The following CALN1 variants were observed in gnomAD, a reference collection of about 807,000 sequenced individuals.
CALN1 encodes the protein calcium-binding protein 8.
A neutral mutation model predicts 30.6 loss-of-function variants in CALN1; 17 were observed. The observed-to-expected ratio is 0.56, with a 90% confidence interval of 0.38 to 0.83. The LOEUF is 0.83. CALN1 is among the 40% of genes least tolerant of loss of function. The pLI is 0.00. For synonymous variants in CALN1, 156 were observed against 131.4 expected (o/e 1.19, Z -1.28); for missense variants, 291 against 354.9 (o/e 0.82, Z 1.45).
In CALN1 at chr7:72,334,880, C is replaced by T. The variant is rs1039281799; in HGVS notation, c.120-56070G>A. ...CAGCTATTGCCATGAAAAACCCACA[C>T]GTCTGCAGTGAACTCAACAAACAGA... On this transcript the variant is annotated intron_variant, in intron 2 of 6. Transcript: ENST00000395275. 2.6e-5 allele frequency among the ~76,000 whole-genome samples: 4 copies of T among 152,318 alleles called. 1 individual carries two copies. Among genetic ancestry groups the T allele is most frequent in the Non-Finnish European group, 1.5e-5 (1 of 68,036 alleles).
intron 2 of CALN1, among the ~76,000 whole-genome samples, chr7:72,316,512 T>C (rs1283040802): frequency 6.6e-6 from 1 of 152,166 alleles, no homozygotes; most frequent in African/African-American, 2.4e-5. Flanking sequence ...ATGCAGACTC[T>C]GGGACATTTT....
chr7:72,410,908 TAACC>T (rs1398644203), intron 1 of CALN1, among the ~76,000 whole-genome samples: 2 of 152,166 alleles, frequency 1.3e-5, no homozygotes, highest in African/African-American at 4.8e-5. Context: ...TTGTAGGCAT[TAACC>T]AACATGATTA....
upstream of CALN1, among the ~76,000 whole-genome samples, chr7:72,413,874 GCA>G (rs767100880): frequency 1.3e-5 from 2 of 150,710 alleles, no homozygotes; most frequent in East Asian, 2.0e-4. Context: ...GTATACACAT[GCA>G]CACACACACT....
At chr7:72,206,389 C>T (rs1436620403) in intron 3 of CALN1, among the ~76,000 whole-genome samples, 4 of 152,160 alleles carry the variant, frequency 2.6e-5, no homozygotes, top group Admixed American at 1.3e-4. Flanking sequence ...TTCTCTCAAA[C>T]TCCTCTTCTT....
At chr7:72,283,458 A>C (rs1797868315) in intron 2 of CALN1, among the ~76,000 whole-genome samples, 1 of 152,162 alleles carries the variant, frequency 6.6e-6, no homozygotes, top group Non-Finnish European at 1.5e-5. Context: ...TCATGTGAGC[A>C]CAGTAATTTG....
In CALN1 at chr7:71,781,055, C is replaced by T. The variant is rs954236207; in HGVS notation, c.*6720G>A. 2 of 152,226 alleles carry T rather than the reference C, an allele frequency of 1.3e-5. No individual in the cohort carries two copies. Among genetic ancestry groups the T allele is most frequent in the Non-Finnish European group, 2.9e-5 (2 of 68,046 alleles). The allele number at this position is 152,226 out of a possible 1,614,324, so 9.4% of individuals were successfully genotyped here. On this transcript the variant is annotated 3_prime_UTR_variant, in exon 7 of 7. Transcript: ENST00000395275. ...AAAAGAGAGACTTTATCACAACTGC[C>T]TCTTGGGACTTGTGTTCAAAAAGGA...
At chr7:72,376,099 T>C (rs2129560565) in intron 2 of CALN1, among the ~76,000 whole-genome samples, 1 of 152,380 alleles carries the variant, frequency 6.6e-6, no homozygotes, top group African/African-American at 2.4e-5. Flanking sequence ...CTAGTTAATA[T>C]CCACTTTATG....
intron 5 of CALN1, among the ~76,000 whole-genome samples, chr7:71,964,197 C>T (rs149606155): frequency 2.6e-5 from 4 of 152,186 alleles, no homozygotes; most frequent in Admixed American, 2.0e-4. Context: ...ACAGGATGTG[C>T]GACAGGGTTG....
At chr7:72,148,101 T>TAAAAAAAAAAAAA (rs71300800) in intron 3 of CALN1, among the ~76,000 whole-genome samples, 1 of 92,140 alleles carries the variant, frequency 1.1e-5, no homozygotes. Flanking sequence ...TAAAAAAAAA[T>TAAAAAAAAAAAAA]AAAAAAAAAA....
intron 2 of CALN1, among the ~76,000 whole-genome samples, chr7:72,386,448 T>A (rs1805214179): frequency 6.6e-6 from 1 of 152,230 alleles, no homozygotes. Flanking sequence ...GGTTGTCTCC[T>A]ATGGGTAAAT....
chr7:71,906,978 C>T (rs575103851), intron 5 of CALN1, among the ~76,000 whole-genome samples: 6 of 152,256 alleles, frequency 3.9e-5, no homozygotes, highest in South Asian at 4.1e-4. Flanking sequence ...TTTCCCCACC[C>T]GGTTCAGGTG....
intron 2 of CALN1, among the ~76,000 whole-genome samples, chr7:72,321,866 T>G (rs992931891): frequency 6.6e-5 from 10 of 152,126 alleles, no homozygotes; most frequent in African/African-American, 2.4e-4. Context: ...CCTGTTCTAG[T>G]GGTCTGTGAC....
chr7:71,990,649 C>T (rs933825757), intron 5 of CALN1, among the ~76,000 whole-genome samples: 2 of 152,086 alleles, frequency 1.3e-5, no homozygotes, highest in African/African-American at 4.8e-5. Flanking sequence ...GATGGGGTTT[C>T]ACCATGTTGG....
At chr7:72,410,382 C>T (rs368736676) in intron 1 of CALN1, among the ~76,000 whole-genome samples, 18 of 152,260 alleles carry the variant, frequency 1.2e-4, no homozygotes, top group South Asian at 8.3e-4. Context: ...CAATCTAGGA[C>T]GTAGAAAATG....
At chr7:72,269,495 C>A (rs1046322421) in intron 3 of CALN1, among the ~76,000 whole-genome samples, 1 of 152,104 alleles carries the variant, frequency 6.6e-6, no homozygotes, top group East Asian at 1.9e-4. Context: ...GAAGCAGCTG[C>A]TATGAGGTTG....
At chr7:72,059,544 A>C (rs147146340) in intron 4 of CALN1, among the ~76,000 whole-genome samples, 3 of 152,308 alleles carry the variant, frequency 2.0e-5, no homozygotes, top group African/African-American at 7.2e-5. Flanking sequence ...AAATCTTGTT[A>C]GAAGCATAAT....
At chr7:72,369,182 TAC>T (rs1302250795) in intron 2 of CALN1, among the ~76,000 whole-genome samples, 2 of 151,926 alleles carry the variant, frequency 1.3e-5, no homozygotes, top group Non-Finnish European at 2.9e-5. Context: ...ATGTAAAGTG[TAC>T]AATTTATAAG....
intron 3 of CALN1, among the ~76,000 whole-genome samples, chr7:72,125,506 A>G (rs1808686133): frequency 1.3e-5 from 2 of 152,346 alleles, no homozygotes; most frequent in East Asian, 3.9e-4. Context: ...GGTGTATAGA[A>G]AAGTGATAAA....
At chr7:72,344,391 A>T (rs1802518781) in intron 2 of CALN1, among the ~76,000 whole-genome samples, 3 of 152,008 alleles carry the variant, frequency 2.0e-5, no homozygotes, top group Admixed American at 2.0e-4. Context: ...AATGTCAAAA[A>T]ATATGTTGTA....
Sources: allele counts gnomAD v4.1 joint callset (sites outside exome capture counted in the v4.1 genomes callset), GRCh38; gene constraint gnomAD v4.1.1; transcripts MANE v1.5; gene names NCBI Gene and HGNC (gene_info 2026-07-23, HGNC 2026-07-21).